The following PCDHGB3 variants were observed in gnomAD, a reference collection of about 807,000 sequenced individuals.
The protein encoded by PCDHGB3 is protocadherin gamma subfamily B, 3, also known as protocadherin gamma-B3.
A neutral mutation model predicts 59.2 loss-of-function variants in PCDHGB3; 40 were observed. The observed-to-expected ratio is 0.68, with a 90% CI of 0.52 to 0.88. PCDHGB3 has a LOEUF of 0.88. Among genes scored for constraint, PCDHGB3 ranks in the 40% least tolerant of loss-of-function variants. The pLI, the probability that PCDHGB3 is intolerant of heterozygous loss-of-function variation, is 0.00. For missense variants in PCDHGB3, 1,309 were observed against 1,187.9 expected (o/e 1.10, Z -1.50); for synonymous variants, 581 against 503.6 (o/e 1.15, Z -2.06).
rs1326004540 is a variant in PCDHGB3 at position 141,477,117 on chromosome 5, C to T, written c.2416-17690C>T. Reference sequence around the variant, plus strand: ...GACAAGGGCGCCAATCCCGAAGGAGCACATTGCAAAGTGTTGGTGGAGGTT... The same window carrying T: ...GACAAGGGCGCCAATCCCGAAGGAGTACATTGCAAAGTGTTGGTGGAGGTT... On this transcript the variant is annotated intron_variant, in intron 1 of 3. Coordinates refer to ENST00000576222, the MANE Select transcript of PCDHGB3 (RefSeq NM_018924.5). The surrounding 1 kb of genome is among the most constrained non-coding windows in gnomAD (Gnocchi z 4.9). 1.2e-6 allele frequency: 2 copies of T among 1,614,246 alleles called. No homozygotes were observed. Among genetic ancestry groups the T allele is most frequent in the East Asian group, 4.5e-5 (2 of 44,886 alleles).
chr5:141,435,593 G>T (rs183768133), intron 1 of PCDHGB3, among the ~76,000 whole-genome samples: 1 of 152,112 alleles, frequency 6.6e-6, no homozygotes, highest in East Asian at 1.9e-4. Flanking sequence ...CAGTAATATC[G>T]CCTGCTTTTT....
At chr5:141,407,602 G>A (rs1395597779) in intron 1 of PCDHGB3, among the ~76,000 whole-genome samples, 2 of 152,064 alleles carry the variant, frequency 1.3e-5, no homozygotes, top group Non-Finnish European at 2.9e-5. Context: ...ATCTTAAAAA[G>A]AAGCATTGGT....
At chr5:141,455,438 C>G (rs1350941007) in intron 1 of PCDHGB3, among the ~76,000 whole-genome samples, 1 of 152,082 alleles carries the variant, frequency 6.6e-6, no homozygotes, top group Non-Finnish European at 1.5e-5. Context: ...GAGGAGGTCC[C>G]CATCTACCGC....
In PCDHGB3 at chr5:141,487,747, CTA is replaced by C. The variant is rs2099663990; in HGVS notation, c.2416-7058_2416-7057del. 1 of 1,558,062 alleles carries C rather than the reference CTA, an allele frequency of 6.4e-7. No individual in the cohort carries two copies. The highest frequency in any genetic ancestry group is 2.4e-5 in the East Asian group (1 of 41,708). On this transcript the variant is annotated intron_variant, in intron 1 of 3. Coordinates refer to ENST00000576222, the MANE Select transcript of PCDHGB3 (RefSeq NM_018924.5). This position sits in a 1 kb window ranked among gnomAD's most constrained non-coding sequence, Gnocchi z 5.0. ...ATGTCACCATTTTTGTAAGAGGTAA[CTA>C]TGTGGTAGACGCTGTGCTTTGTAAC... is the stretch of plus-strand genomic sequence containing the variant.
At chr5:141,423,248 C>A in intron 1 of PCDHGB3, 1 of 1,613,888 alleles carries the variant, frequency 6.2e-7, no homozygotes, top group Non-Finnish European at 8.5e-7. Context: ...GAAGTCCTGG[C>A]GGACCTCGGC....
At chr5:141,381,826 C>CTTTTTTTTTTTTTTTTTTTTTTTTTT (rs770630741) in intron 1 of PCDHGB3, among the ~76,000 whole-genome samples, 2 of 74,292 alleles carry the variant, frequency 2.7e-5, no homozygotes, top group Non-Finnish European at 4.7e-5. Flanking sequence ...CTTTCTTCTT[C>CTTTTTTTTTTTTTTTTTTTTTTTTTT]TTTTTTTTTT....
In PCDHGB3 at chr5:141,431,048, A is replaced by G; in HGVS notation, c.2415+58239A>G. The G allele has an allele frequency of 6.2e-7, 1 of 1,614,180 alleles. No homozygotes were observed. Among genetic ancestry groups the G allele is most frequent in the Non-Finnish European group, 8.5e-7 (1 of 1,180,018 alleles). The stretch of plus-strand genomic sequence containing the variant: ...CAGGATAGACCGGGAGGAGCTCTGT[A>G]TGGGGGCCATCAAGTGTCAATTAAA... On this transcript the variant is annotated intron_variant, in intron 1 of 3. Coordinates refer to ENST00000576222, the MANE Select transcript of PCDHGB3 (RefSeq NM_018924.5). This position sits in a 1 kb window ranked among gnomAD's most constrained non-coding sequence, Gnocchi z 4.8.
At position 141,395,404 on chromosome 5, in the gene PCDHGB3, T is replaced by G. The variant is rs1482913976; in HGVS notation, c.2415+22595T>G. 24 of 836,172 alleles carry G rather than the reference T, an allele frequency of 2.9e-5. No homozygotes were observed. The East Asian group carries it at 6.2e-4, about 21-fold the overall frequency. 51.8% of individuals were successfully genotyped at this position (836,172 alleles called of 1,614,324 possible). A position where few individuals can be genotyped will look rare whatever the true frequency, so the allele number is the denominator to read the frequency against. ...CTATAAAATTGAACTCTAATAGTCA[T>G]AGGTTATTGTTTCATTTGCTTTTAA... On this transcript the variant is annotated intron_variant, in intron 1 of 3. Transcript: ENST00000576222.
intron 1 of PCDHGB3, chr5:141,405,379 G>T: frequency 1.2e-6 from 2 of 1,606,832 alleles, no homozygotes; most frequent in Non-Finnish European, 1.7e-6. Flanking sequence ...TGGTTCCGGT[G>T]AGTTCATTTT....
At position 141,408,449 on chromosome 5, in the gene PCDHGB3, G is replaced by C. The variant is rs1561713163; in HGVS notation, c.2415+35640G>C. On this transcript the variant is annotated intron_variant, in intron 1 of 3. Coordinates refer to ENST00000576222, the MANE Select transcript of PCDHGB3 (RefSeq NM_018924.5). Reference sequence around the variant, plus strand: ...CTTCAGCGTAGACGCGGAGAGCGGGGACTTACTTGTGAAGAACCGAATAGA... The same window carrying C: ...CTTCAGCGTAGACGCGGAGAGCGGGCACTTACTTGTGAAGAACCGAATAGA... The C allele has an allele frequency of 1.9e-6, 3 of 1,613,966 alleles. No individual in the cohort carries two copies. In the Admixed American group the frequency reaches 5.0e-5, roughly 27 times the overall value.
chr5:141,487,864 C>A lies in PCDHGB3; in HGVS notation c.2416-6943C>A. On this transcript the variant is annotated intron_variant, in intron 1 of 3. Coordinates refer to ENST00000576222, the MANE Select transcript of PCDHGB3 (RefSeq NM_018924.5). The surrounding 1 kb of genome is among the most constrained non-coding windows in gnomAD (Gnocchi z 5.0). ...GTAAGAAATGAAAGTAATTGGTGAT[C>A]AAGAGCCAGGCTGTTGTGGAAGCAT... 1 of 899,610 alleles carries A rather than the reference C, an allele frequency of 1.1e-6. No individual in the cohort carries two copies. Among genetic ancestry groups the A allele is most frequent in the Non-Finnish European group, 1.7e-6 (1 of 599,584 alleles). The allele number at this position is 899,610 out of a possible 1,614,324, so 55.7% of individuals were successfully genotyped here.
chr5:141,408,924 T>G, intron 1 of PCDHGB3: 1 of 1,612,706 alleles, frequency 6.2e-7, no homozygotes. Flanking sequence ...AACCCCCCGG[T>G]TTTCAGCAGA....
chr5:141,461,988 T>A (rs771762127), intron 1 of PCDHGB3, among the ~76,000 whole-genome samples: 1 of 152,170 alleles, frequency 6.6e-6, no homozygotes, highest in Non-Finnish European at 1.5e-5. Flanking sequence ...CACGCCAGGC[T>A]AATTTTGTAT....
intron 1 of PCDHGB3, chr5:141,390,260 C>T (rs1206984031): frequency 6.2e-7 from 1 of 1,614,002 alleles, no homozygotes; most frequent in Non-Finnish European, 8.5e-7. Context: ...TTTGTAATTC[C>T]AGTGAATTGA....
intron 1 of PCDHGB3, chr5:141,411,661 C>T (rs2095505180): frequency 6.6e-6 from 1 of 150,762 alleles, no homozygotes; most frequent in African/African-American, 2.4e-5. Context: ...GGTGGAGAAT[C>T]TCTTGAGCGC....
chr5:141,505,891 G>A (rs541853565), intron 3 of PCDHGB3, among the ~76,000 whole-genome samples: 9 of 152,288 alleles, frequency 5.9e-5, no homozygotes, highest in Admixed American at 5.9e-4. Context: ...GATTAAATGA[G>A]ATGATACCAC....
chr5:141,414,427 C>G lies in PCDHGB3; in HGVS notation c.2415+41618C>G, dbSNP rs766147938. The G allele has an allele frequency of 6.2e-6, 10 of 1,613,684 alleles. No individual in the cohort carries two copies. The highest frequency in any genetic ancestry group is 1.6e-4 in the Middle Eastern group (1 of 6,084). On this transcript the variant is annotated intron_variant, in intron 1 of 3. Coordinates refer to ENST00000576222, the MANE Select transcript of PCDHGB3 (RefSeq NM_018924.5). ...GATACACAGAGCCCTTGACAGGGAA[C>G]AGGTATCCTCTTACAATATCACAGT... is the stretch of plus-strand genomic sequence containing the variant.
At chr5:141,419,279 G>C in intron 1 of PCDHGB3, 1 of 1,614,042 alleles carries the variant, frequency 6.2e-7, no homozygotes, top group South Asian at 1.1e-5. Flanking sequence ...CATAGCGCAA[G>C]TCAGTGCCTC....
At chr5:141,423,090 G>A in intron 1 of PCDHGB3, 2 of 1,614,022 alleles carry the variant, frequency 1.2e-6, no homozygotes, top group Non-Finnish European at 1.7e-6. Flanking sequence ...TCGCGGTGGG[G>A]GAGCACACGG....
Sources: gnomAD v4.1 joint callset for allele counts (sites outside exome capture counted in the v4.1 genomes callset) on GRCh38, gnomAD v4.1.1 for gene constraint, Gnocchi (gnomAD v3.1) non-coding constraint, MANE v1.5 for transcripts, NCBI Gene and HGNC (gene_info 2026-07-23, HGNC 2026-07-21) for gene names.